The following RIMS2 variants were observed in gnomAD, a reference collection of about 807,000 sequenced individuals.
RIMS2 encodes regulating synaptic membrane exocytosis protein 2.
Under a neutral mutation model 174.4 loss-of-function variants are expected in RIMS2, and 59 were observed. That is an observed-to-expected ratio of 0.34 (90% confidence interval 0.27 to 0.42). The LOEUF (loss-of-function observed/expected upper bound fraction) is 0.42, where lower values mean the gene tolerates loss of function less well. Among genes scored for constraint, RIMS2 ranks in the 10% least tolerant of loss-of-function variants. The pLI is 1.00. For missense variants in RIMS2, 1,620 were observed against 1,666.3 expected (o/e 0.97, Z 0.48); for synonymous variants, 606 against 572.5 (o/e 1.06, Z -0.84).
chr8:104,252,129 T>C (rs1329658303), downstream of RIMS2: 3 of 376,788 alleles, frequency 8.0e-6, no homozygotes, highest in Non-Finnish European at 1.4e-5. Context: ...CAGAAGCCCT[T>C]TTCAATGGCA....
intron 1 of RIMS2, among the ~76,000 whole-genome samples, chr8:103,514,170 A>C (rs779312696): frequency 6.6e-6 from 1 of 152,224 alleles, no homozygotes; most frequent in Non-Finnish European, 1.5e-5. Flanking sequence ...TGGATGACTT[A>C]GAACATTAGA....
intron 1 of RIMS2, among the ~76,000 whole-genome samples, chr8:103,595,888 A>T (rs1014937223): frequency 6.6e-5 from 10 of 151,958 alleles, no homozygotes; most frequent in Admixed American, 2.0e-4. Flanking sequence ...CTATGAATAA[A>T]CAGCGGGAGG....
At chr8:103,534,133 T>G (rs933996896) in intron 1 of RIMS2, among the ~76,000 whole-genome samples, 1 of 152,204 alleles carries the variant, frequency 6.6e-6, no homozygotes, top group Non-Finnish European at 1.5e-5. Flanking sequence ...ACTTAGAAGC[T>G]CCACATATAA....
At chr8:103,985,993 C>T (rs542155589) in intron 16 of RIMS2, among the ~76,000 whole-genome samples, 2 of 152,208 alleles carry the variant, frequency 1.3e-5, no homozygotes, top group South Asian at 4.1e-4. Flanking sequence ...CCTAAAATTT[C>T]ACTTAGACAA....
intron 19 of RIMS2, among the ~76,000 whole-genome samples, chr8:104,229,494 A>T (rs541255799): frequency 6.6e-6 from 1 of 152,336 alleles, no homozygotes; most frequent in South Asian, 2.1e-4. Flanking sequence ...ATGCAAAGAT[A>T]ATGTACCAAA....
At chr8:103,996,741 G>A (rs1214996453) in intron 17 of RIMS2, among the ~76,000 whole-genome samples, 1 of 151,820 alleles carries the variant, frequency 6.6e-6, no homozygotes, top group East Asian at 1.9e-4. Context: ...CTCTGAACAA[G>A]CACTCATATC....
Position 103,730,939 on chromosome 8 carries a change from G to A in RIMS2, c.387+33643G>A, listed in dbSNP as rs887416348. 7.9e-5 allele frequency among the ~76,000 whole-genome samples: 12 copies of A among 152,274 alleles called. No homozygotes were observed. In the East Asian group the frequency reaches 2.3e-3, roughly 29 times the overall value. ...AGGTTTAATTGACTCACAGTTCCACGTGGGTGGGAGGCCTCACAGTCATGG... is the reference window on the plus strand; with the variant it reads ...AGGTTTAATTGACTCACAGTTCCACATGGGTGGGAGGCCTCACAGTCATGG... On this transcript the variant is annotated intron_variant, in intron 2 of 23. Coordinates refer to ENST00000504942, the Ensembl canonical transcript of RIMS2.
At chr8:103,870,570 T>C (rs2099106481) in intron 3 of RIMS2, among the ~76,000 whole-genome samples, 1 of 152,152 alleles carries the variant, frequency 6.6e-6, no homozygotes, top group Admixed American at 6.5e-5. Flanking sequence ...GTTTATTAAA[T>C]ATATTTATTT....
At chr8:103,604,018 C>T (rs2094907493) in intron 1 of RIMS2, among the ~76,000 whole-genome samples, 1 of 149,968 alleles carries the variant, frequency 6.7e-6, no homozygotes, top group African/African-American at 2.5e-5. Context: ...TCCCATTTGT[C>T]TATTTTGTCT....
chr8:104,142,041 A>G (rs2098582934), intron 19 of RIMS2, among the ~76,000 whole-genome samples: 1 of 151,476 alleles, frequency 6.6e-6, no homozygotes. Context: ...ATACCTCTTA[A>G]TTTTGAGAAT....
chr8:103,639,672 T>C (rs772895949), intron 1 of RIMS2, among the ~76,000 whole-genome samples: 13 of 151,988 alleles, frequency 8.6e-5, no homozygotes, highest in Non-Finnish European at 1.8e-4. Flanking sequence ...GATTTAACCA[T>C]AGTTTGTTTA....
chr8:104,091,187 T>C (rs1471946498), intron 19 of RIMS2, among the ~76,000 whole-genome samples: 1 of 151,838 alleles, frequency 6.6e-6, no homozygotes, highest in Non-Finnish European at 1.5e-5. Flanking sequence ...AATGATTCAG[T>C]CCCATTCCAG....
intron 1 of RIMS2, among the ~76,000 whole-genome samples, chr8:103,590,460 G>A (rs1261075693): frequency 6.6e-6 from 1 of 151,160 alleles, no homozygotes; most frequent in Non-Finnish European, 1.5e-5. Context: ...TTCTTCCTGT[G>A]AAACTCTACT....
intron 19 of RIMS2, among the ~76,000 whole-genome samples, chr8:104,085,323 A>G (rs905225128): frequency 1.1e-4 from 17 of 152,206 alleles, no homozygotes; most frequent in Non-Finnish European, 1.0e-4. Context: ...CTCCAATAAG[A>G]AAGAAAAAAG....
At chr8:103,580,825 CTTTTTTTTTT>C (rs61559970) in intron 1 of RIMS2, among the ~76,000 whole-genome samples, 9 of 113,456 alleles carry the variant, frequency 7.9e-5, no homozygotes, top group Non-Finnish European at 1.4e-4. Context: ...AAAGGGAATA[CTTTTTTTTTT>C]TTTTTTTTTT....
chr8:103,917,989 A>G (rs1329301521), intron 8 of RIMS2, among the ~76,000 whole-genome samples: 2 of 152,200 alleles, frequency 1.3e-5, no homozygotes, highest in Non-Finnish European at 2.9e-5. Context: ...AATAAATAAA[A>G]TAAAATGAGT....
At chr8:104,007,734 A>G (rs934278567) in intron 17 of RIMS2, among the ~76,000 whole-genome samples, 1 of 152,118 alleles carries the variant, frequency 6.6e-6, no homozygotes, top group African/African-American at 2.4e-5. Context: ...TTTCCAATAA[A>G]TTGGTATTGA....
chr8:103,771,724 C>T (rs979061903), intron 3 of RIMS2, among the ~76,000 whole-genome samples: 8 of 152,058 alleles, frequency 5.3e-5, no homozygotes, highest in African/African-American at 1.7e-4. Context: ...TTAAGCTCCT[C>T]GGCCATGAGA....
intron 2 of RIMS2, among the ~76,000 whole-genome samples, chr8:103,710,174 TGG>T (rs1281933504): frequency 6.6e-6 from 1 of 152,178 alleles, no homozygotes; most frequent in Non-Finnish European, 1.5e-5. Flanking sequence ...CAGTGAAAGT[TGG>T]TCTTACTAAG....
Sources: gnomAD v4.1 joint callset for allele counts (sites outside exome capture counted in the v4.1 genomes callset) on GRCh38, gnomAD v4.1.1 for gene constraint, MANE v1.5 for transcripts, NCBI Gene and HGNC (gene_info 2026-07-23, HGNC 2026-07-21) for gene names.